The following WDSUB1 variants were observed in gnomAD, a reference collection of about 807,000 sequenced individuals.
WDSUB1 encodes the protein WD repeat, SAM and U-box domain-containing protein 1.
A neutral mutation model predicts 53.9 loss-of-function variants in WDSUB1; 49 were observed. The ratio of observed to expected loss-of-function variants is 0.91; its 90% CI spans 0.72 to 1.15. WDSUB1 has a LOEUF of 1.15. Ranked by LOEUF, WDSUB1 falls within the 50% of genes most tolerant of loss-of-function variation. The pLI is 0.00. For synonymous variants in WDSUB1, 194 were observed against 200.6 expected, an observed-to-expected ratio of 0.97 and a Z score of 0.28; for missense variants, 514 against 562.0, an observed-to-expected ratio of 0.91 and a Z score of 0.86.
chr2:159,280,935 G>C (rs974838203), intron 2 of WDSUB1, among the ~76,000 whole-genome samples: 20 of 152,136 alleles, frequency 1.3e-4, no homozygotes, highest in African/African-American at 4.6e-4. Context: ...TTTAGGGATA[G>C]TTATGCTATA....
chr2:159,248,156 TAAGTAA>T (rs2151067886), intron 10 of WDSUB1, among the ~76,000 whole-genome samples: 1 of 151,986 alleles, frequency 6.6e-6, no homozygotes, highest in East Asian at 1.9e-4. Flanking sequence ...TTCACAAGTT[TAAGTAA>T]AACTTAATCC....
chr2:159,257,648 A>C lies in WDSUB1; in HGVS notation c.952+110T>G, dbSNP rs940973285. ...AGTGATACACCCACCTTGGCCTCCC[A>C]AAGTGCTGGGATTACAGGTGTGAGC... On this transcript the variant is annotated intron_variant, in intron 8 of 10. Coordinates refer to ENST00000359774, the MANE Select transcript of WDSUB1 (RefSeq NM_001128212.3). The C allele has an allele frequency of 1.2e-5, 11 of 913,000 alleles. No homozygotes were observed. The African/African-American group carries it at 1.5e-4, about 13-fold the overall frequency. 56.6% of individuals were successfully genotyped at this position (913,000 alleles called of 1,614,324 possible). A position where few individuals can be genotyped will look rare whatever the true frequency, so the allele number is the denominator to read the frequency against.
At chr2:159,267,184 G>A (rs2061362335) in intron 5 of WDSUB1, among the ~76,000 whole-genome samples, 1 of 152,090 alleles carries the variant, frequency 6.6e-6, no homozygotes, top group African/African-American at 2.4e-5. Flanking sequence ...CTGCCTCCTG[G>A]AATGCTCTTT....
At chr2:159,261,030 TATAAA>T (rs751931080) in intron 5 of WDSUB1, among the ~76,000 whole-genome samples, 1 of 152,312 alleles carries the variant, frequency 6.6e-6, no homozygotes. Flanking sequence ...AGTTCAAAGA[TATAAA>T]ATAAAACACA....
In WDSUB1 at chr2:159,280,708, A is replaced by AAAAAAAAAAAAAAAAC. The variant is rs111752652; in HGVS notation, c.399-764_399-763insGTTTTTTTTTTTTTTT. ...TCCGTCTCAAAAAAAAAAAAAAAAA[A>AAAAAAAAAAAAAAAAC]ATTACCCAGAAGCAATGGCGAGGTC... On this transcript the variant is annotated intron_variant, in intron 2 of 10. Transcript: ENST00000359774. Among the ~76,000 whole-genome samples, 102 of 134,356 alleles carry AAAAAAAAAAAAAAAAC rather than the reference A, an allele frequency of 7.6e-4. 9 individuals carry two copies. The highest frequency in any genetic ancestry group is 3.1e-3 in the African/African-American group (92 of 29,680). 88.1% of individuals were successfully genotyped at this position (134,356 alleles called of 152,430 possible).
At chr2:159,244,929 C>G (rs1369699016) in intron 10 of WDSUB1, among the ~76,000 whole-genome samples, 6 of 152,062 alleles carry the variant, frequency 3.9e-5, no homozygotes, top group Non-Finnish European at 8.8e-5. Context: ...GACCTCATCT[C>G]TAAAAAGTAA....
intron 5 of WDSUB1, among the ~76,000 whole-genome samples, chr2:159,261,878 A>T (rs1558856194): frequency 1.9e-4 from 3 of 15,744 alleles, no homozygotes; most frequent in Non-Finnish European, 3.0e-4. Context: ...ATATATATAT[A>T]TATATATATA....
At chr2:159,280,708 A>AAAAAAAAAAAAAAAAACAAAAC (rs111752652) in intron 2 of WDSUB1, among the ~76,000 whole-genome samples, 2 of 134,374 alleles carry the variant, frequency 1.5e-5, no homozygotes, top group African/African-American at 6.7e-5. Flanking sequence ...AAAAAAAAAA[A>AAAAAAAAAAAAAAAAACAAAAC]ATTACCCAGA....
chr2:159,264,451 A>G (rs1014747797), intron 5 of WDSUB1, among the ~76,000 whole-genome samples: 3 of 152,244 alleles, frequency 2.0e-5, no homozygotes, highest in Non-Finnish European at 4.4e-5. Flanking sequence ...ACTCGTGACA[A>G]TAAACTCTAT....
intron 2 of WDSUB1, among the ~76,000 whole-genome samples, chr2:159,282,469 C>T (rs967598633): frequency 1.3e-5 from 2 of 152,110 alleles, no homozygotes; most frequent in African/African-American, 2.4e-5. Flanking sequence ...TGGGATTACA[C>T]GCGTGAGCCA....
intron 4 of WDSUB1, among the ~76,000 whole-genome samples, chr2:159,275,080 A>T (rs570553829): frequency 1.6e-4 from 24 of 152,346 alleles, no homozygotes; most frequent in African/African-American, 5.8e-4. Flanking sequence ...AATTAATGGA[A>T]GTTGTAAAAA....
At chr2:159,266,255 C>A (rs1049275951) in intron 5 of WDSUB1, among the ~76,000 whole-genome samples, 3 of 151,936 alleles carry the variant, frequency 2.0e-5, no homozygotes, top group African/African-American at 7.3e-5. Flanking sequence ...GTGGCACGAT[C>A]TGGACTCACC....
chr2:159,267,128 A>C (rs952941170), intron 5 of WDSUB1, among the ~76,000 whole-genome samples: 6 of 151,738 alleles, frequency 4.0e-5, no homozygotes, highest in African/African-American at 1.5e-4. Context: ...ATTTCTCCTT[A>C]TTTATTTGAA....
At chr2:159,274,636 T>A (rs1020281369) in intron 4 of WDSUB1, among the ~76,000 whole-genome samples, 22 of 151,456 alleles carry the variant, frequency 1.5e-4, no homozygotes, top group African/African-American at 5.1e-4. Context: ...TGACAGAGTG[T>A]CTACTCCCTA....
At chr2:159,257,238 G>A (rs910709567) in intron 8 of WDSUB1, among the ~76,000 whole-genome samples, 4 of 152,112 alleles carry the variant, frequency 2.6e-5, no homozygotes, top group African/African-American at 7.2e-5. Context: ...CTGGGCTCAC[G>A]CAATCCATCC....
rs750857335 is a variant in WDSUB1 at position 159,283,097 on chromosome 2, A to C, written c.-24-4T>G. On this transcript the variant is annotated splice_region_variant and splice_polypyrimidine_tract_variant and intron_variant, in intron 1 of 10. Coordinates refer to ENST00000359774, the MANE Select transcript of WDSUB1 (RefSeq NM_001128212.3). ...TCTTTATTTGAAGAAAAACAGCCTG[A>C]AATTTTTAAGCAGATAAAGATTATT... 6.3e-7 allele frequency: 1 copy of C among 1,577,744 alleles called. No homozygotes were observed. The highest frequency in any genetic ancestry group is 1.4e-5 in the African/African-American group (1 of 73,810).
At chr2:159,272,993 A>G (rs1056498131) in intron 4 of WDSUB1, among the ~76,000 whole-genome samples, 6 of 152,220 alleles carry the variant, frequency 3.9e-5, no homozygotes, top group African/African-American at 1.4e-4. Context: ...AGGGAAATTT[A>G]TAACTACATC....
intron 9 of WDSUB1, among the ~76,000 whole-genome samples, chr2:159,253,728 A>G (rs921716291): frequency 1.3e-5 from 2 of 152,210 alleles, no homozygotes; most frequent in African/African-American, 4.8e-5. Context: ...TAGCATATAT[A>G]CTCATTGGTT....
At chr2:159,245,893 C>T (rs541743929) in intron 10 of WDSUB1, among the ~76,000 whole-genome samples, 64 of 152,186 alleles carry the variant, frequency 4.2e-4, no homozygotes, top group Non-Finnish European at 8.1e-4. Context: ...AAATTAAAAA[C>T]GTTGTCTCTA....
Sources: allele counts gnomAD v4.1 joint callset (sites outside exome capture counted in the v4.1 genomes callset), GRCh38; gene constraint gnomAD v4.1.1; transcripts MANE v1.5; gene names NCBI Gene and HGNC (gene_info 2026-07-23, HGNC 2026-07-21).